The following SLC29A4 variants were observed in gnomAD, a reference collection of about 807,000 sequenced individuals.
The protein encoded by SLC29A4 is equilibrative nucleoside transporter 4.
In SLC29A4, 36 loss-of-function variants were observed where a neutral mutation model predicts 43.9. That is an observed-to-expected ratio of 0.82 (90% CI 0.63 to 1.08). The LOEUF (loss-of-function observed/expected upper bound fraction) is 1.08, where lower values mean the gene tolerates loss of function less well. SLC29A4 is among the 50% of genes least tolerant of loss of function. SLC29A4 has a pLI of 0.00. For missense variants in SLC29A4, 869 were observed against 755.3 expected (o/e 1.15, Z -1.77); for synonymous variants, 491 against 338.0 (o/e 1.45, Z -4.97).
chr7:5,303,233 C>G lies in SLC29A4; in HGVS notation c.*294C>G, dbSNP rs1786296592. The G allele has an allele frequency of 2.0e-6, 1 of 504,302 alleles. No homozygotes were observed. Among genetic ancestry groups the G allele is most frequent in the Non-Finnish European group, 3.6e-6 (1 of 279,366 alleles). The allele number at this position is 504,302 out of a possible 1,614,324, so 31.2% of individuals were successfully genotyped here. On this transcript the variant is annotated 3_prime_UTR_variant, in exon 11 of 11. Transcript: ENST00000396872. The stretch of plus-strand genomic sequence containing the variant: ...GTGTCCAGCGGCCCCGGCTCCAGCC[C>G]AGCCAGCACTCTGCAGGGTCACACG...
chr7:5,289,450 G>T, intron 2 of SLC29A4, among the ~76,000 whole-genome samples: 1 of 152,100 alleles, frequency 6.6e-6, no homozygotes, highest in East Asian at 1.9e-4. Context: ...AAGCCAGGCA[G>T]GCAGTCAGGA....
At chr7:5,284,344 C>G (rs569192091) in intron 1 of SLC29A4, among the ~76,000 whole-genome samples, 80 of 152,274 alleles carry the variant, frequency 5.3e-4, no homozygotes, top group Middle Eastern at 6.8e-3. Flanking sequence ...CTGAGCCTAC[C>G]CCACCAGCCA....
At position 5,306,783 on chromosome 7, in the gene SLC29A4, C is replaced by T. The variant is rs879584162; in HGVS notation, c.*3844C>T. 12 of 152,078 alleles carry T rather than the reference C, an allele frequency of 7.9e-5. No individual in the cohort carries two copies. Among genetic ancestry groups the T allele is most frequent in the Admixed American group, 3.3e-4 (5 of 15,276 alleles). 9.4% of individuals were successfully genotyped at this position (152,078 alleles called of 1,614,324 possible). ...CTCCAGCCCCTGAAATAAACCACTC[C>T]AGACAATTTTATTTTTCCAATTAAA... On this transcript the variant is annotated 3_prime_UTR_variant, in exon 11 of 11. Transcript: ENST00000396872.
intron 1 of SLC29A4, among the ~76,000 whole-genome samples, chr7:5,283,699 T>C (rs1184324531): frequency 6.7e-6 from 1 of 150,370 alleles, no homozygotes; most frequent in East Asian, 2.0e-4. Context: ...CCCACAGGAG[T>C]TGGAGCAGCT....
chr7:5,300,538 C>T lies in SLC29A4; in HGVS notation c.1326C>T (p.Ala442=), dbSNP rs1391582998. 2.5e-6 allele frequency: 4 copies of T among 1,612,212 alleles called. No homozygotes were observed. Among genetic ancestry groups the T allele is most frequent in the Admixed American group, 1.7e-5 (1 of 59,998 alleles). ...ILCVYPSGMP[A]LRHPAWPCIF... ...GCGTCTACCCCAGCGGCATGCCCGC[C>T]CTCCGTCACCCCGCCTGGCCCTGCA... The change falls in exon 10 of 11, where the codon GCC becomes GCT. Residue 442 remains alanine, a synonymous_variant. Coordinates refer to ENST00000396872, the MANE Select transcript of SLC29A4 (RefSeq NM_153247.4).
At chr7:5,283,970 C>T (rs1784807182) in intron 1 of SLC29A4, among the ~76,000 whole-genome samples, 1 of 151,828 alleles carries the variant, frequency 6.6e-6, no homozygotes, top group African/African-American at 2.4e-5. Flanking sequence ...GCACTTCAGG[C>T]CCAGTGGAAA....
chr7:5,302,886 G>T lies in SLC29A4; in HGVS notation c.1540G>T (p.Gly514Cys), dbSNP rs149793486. The change falls in exon 11 of 11, where the codon GGC becomes TGC. Residue 514 changes from glycine to cysteine, a missense_variant. Gly to Cys is a radical substitution (Grantham distance 159). Coordinates refer to ENST00000396872, the MANE Select transcript of SLC29A4 (RefSeq NM_153247.4). ...CTYSLTRDAH[G>C]SCLHASTANG... Reference sequence around the variant, plus strand: ...CTACAGCCTCACCCGCGACGCTCACGGCAGCTGCCTGCACGCCTCCACCGC... The same window carrying T: ...CTACAGCCTCACCCGCGACGCTCACTGCAGCTGCCTGCACGCCTCCACCGC... The T allele has an allele frequency of 1.2e-6, 2 of 1,605,236 alleles. No homozygotes were observed. Among genetic ancestry groups the T allele is most frequent in the Non-Finnish European group, 1.7e-6 (2 of 1,176,738 alleles).
chr7:5,283,021 A>T lies in SLC29A4; in HGVS notation c.-70A>T, dbSNP rs1300072742. 1 of 56,338 alleles carries T rather than the reference A, an allele frequency of 1.8e-5. No homozygotes were observed. Among genetic ancestry groups the T allele is most frequent in the Non-Finnish European group, 3.4e-5 (1 of 29,166 alleles). 3.5% of individuals were successfully genotyped at this position (56,338 alleles called of 1,614,324 possible). ...GAGGACGCCGGGCGCGCCCGGCCCGAGGCTGGGGGAGCGGGGCGGCGTGGC... is the reference window on the plus strand; with the variant it reads ...GAGGACGCCGGGCGCGCCCGGCCCGTGGCTGGGGGAGCGGGGCGGCGTGGC... On this transcript the variant is annotated 5_prime_UTR_variant, in exon 1 of 11. Coordinates refer to ENST00000396872, the MANE Select transcript of SLC29A4 (RefSeq NM_153247.4).
At chr7:5,301,863 G>C (rs934558048) in intron 10 of SLC29A4, among the ~76,000 whole-genome samples, 1 of 152,204 alleles carries the variant, frequency 6.6e-6, no homozygotes, top group Non-Finnish European at 1.5e-5. Context: ...GAGGGGTTGG[G>C]GTTGGGTTTG....
intron 7 of SLC29A4, 29 bp downstream of exon 7, chr7:5,297,227 C>T (rs1312434758): frequency 6.3e-6 from 2 of 318,436 alleles, no homozygotes; most frequent in Non-Finnish European, 7.7e-6. Context: ...CCTCTGTTCC[C>T]TTCTCTGTCC....
chr7:5,306,187 ATTTCTTTT>A lies in SLC29A4; in HGVS notation c.*3252_*3259del, dbSNP rs1457849838. 3.4e-5 allele frequency: 4 copies of A among 117,584 alleles called. No individual in the cohort carries two copies. In the East Asian group the frequency reaches 7.5e-4, roughly 22 times the overall value. The allele number at this position is 117,584 out of a possible 1,614,324, so 7.3% of individuals were successfully genotyped here. A position where few individuals can be genotyped will look rare whatever the true frequency, so the allele number is the denominator to read the frequency against. ...ATTTTTTCTCATGTAAATTTGTTCA[ATTTCTTTT>A]TTTTTTTTTTTTTTTTTTTTTGAGA... is the stretch of plus-strand genomic sequence containing the variant. On this transcript the variant is annotated 3_prime_UTR_variant, in exon 11 of 11. Coordinates refer to ENST00000396872, the MANE Select transcript of SLC29A4 (RefSeq NM_153247.4).
At chr7:5,291,603 C>T in intron 4 of SLC29A4, 90 bp from the exon 5 acceptor site, 3 of 1,486,388 alleles carry the variant, frequency 2.0e-6, no homozygotes, top group Non-Finnish European at 2.7e-6. Flanking sequence ...GCAGAGAAAG[C>T]CTCAGAGCGA....
intron 1 of SLC29A4, among the ~76,000 whole-genome samples, chr7:5,284,539 C>G (rs1456858414): frequency 2.0e-5 from 3 of 151,890 alleles, no homozygotes; most frequent in Non-Finnish European, 4.4e-5. Context: ...AGGGCCAAGC[C>G]CTGTAAACAC....
Position 5,303,113 on chromosome 7 carries a change from A to G in SLC29A4, c.*174A>G. On this transcript the variant is annotated 3_prime_UTR_variant, in exon 11 of 11. Transcript: ENST00000396872. Reference sequence around the variant, plus strand: ...CCCACCCTGGACTGAAGTTCTGCAAAGTCCTCCGAGGACCGGAACACGTTT... The same window carrying G: ...CCCACCCTGGACTGAAGTTCTGCAAGGTCCTCCGAGGACCGGAACACGTTT... 5.3e-6 allele frequency: 4 copies of G among 761,480 alleles called. No individual in the cohort carries two copies. Among genetic ancestry groups the G allele is most frequent in the Non-Finnish European group, 8.3e-6 (4 of 483,066 alleles). 47.2% of individuals were successfully genotyped at this position (761,480 alleles called of 1,614,324 possible). A position where few individuals can be genotyped will look rare whatever the true frequency, so the allele number is the denominator to read the frequency against.
chr7:5,296,387 G>T (rs1161736232), intron 6 of SLC29A4, among the ~76,000 whole-genome samples: 3 of 150,838 alleles, frequency 2.0e-5, no homozygotes, highest in Non-Finnish European at 2.9e-5. Flanking sequence ...CATGGTGGGG[G>T]TGTGTGAGCG....
In SLC29A4 at chr7:5,299,307, C is replaced by T. The variant is rs1189758534; in HGVS notation, c.1089C>T (p.Thr363=). 4 of 1,611,960 alleles carry T rather than the reference C, an allele frequency of 2.5e-6. No individual in the cohort carries two copies. Among genetic ancestry groups the T allele is most frequent in the Non-Finnish European group, 3.4e-6 (4 of 1,179,898 alleles). Reference sequence around the variant, plus strand: ...CCGACATGCTCTCCATCGCCGTGACCTACTTCATCACGCTGTGCCTGTTCC... The same window carrying T: ...CCGACATGCTCTCCATCGCCGTGACTTACTTCATCACGCTGTGCCTGTTCC... ...IWADMLSIAV[T]YFITLCLFPG... The change falls in exon 9 of 11, where the codon ACC becomes ACT. Residue 363 remains threonine, a synonymous_variant. Coordinates refer to ENST00000396872, the MANE Select transcript of SLC29A4 (RefSeq NM_153247.4).
chr7:5,288,621 A>G (rs1785111895), intron 2 of SLC29A4, among the ~76,000 whole-genome samples: 1 of 151,896 alleles, frequency 6.6e-6, no homozygotes, highest in Non-Finnish European at 1.5e-5. Flanking sequence ...ATCTGGAGTG[A>G]CACATGTCAC....
In SLC29A4 at chr7:5,304,301, G is replaced by GCT. The variant is rs1562460872; in HGVS notation, c.*1363_*1364insTC. The GCT allele has an allele frequency of 2.8e-5, 3 of 108,082 alleles. No individual in the cohort carries two copies. The highest frequency in any genetic ancestry group is 1.9e-5 in the Non-Finnish European group (1 of 52,070). The allele number at this position is 108,082 out of a possible 1,614,324, so 6.7% of individuals were successfully genotyped here. A position where few individuals can be genotyped will look rare whatever the true frequency, so the allele number is the denominator to read the frequency against. ...GGTTTGTCGCTCACCTTGACCGCCC[G>GCT]CCCCCCCCACCCCTTCGTGAGGATC... On this transcript the variant is annotated 3_prime_UTR_variant, in exon 11 of 11. Transcript: ENST00000396872.
intron 2 of SLC29A4, among the ~76,000 whole-genome samples, chr7:5,290,052 A>ATTT (rs386409422): frequency 0.45 from 52,601 of 117,010 alleles, 13,715 homozygotes; most frequent in Non-Finnish European, 0.58. Context: ...TGCCCAGCTA[A>ATTT]TTTTTTTTTT....
Sources: gnomAD v4.1 joint callset for allele counts (sites outside exome capture counted in the v4.1 genomes callset) on GRCh38, gnomAD v4.1.1 for gene constraint, MANE v1.5 for transcripts, NCBI Gene and HGNC (gene_info 2026-07-23, HGNC 2026-07-21) for gene names.